Variants in STPG2 observed in about 807,000 individuals in gnomAD.
The protein encoded by STPG2 is sperm tail PG-rich repeat containing 2, also known as sperm-tail PG-rich repeat-containing protein 2.
A neutral mutation model predicts 54.2 loss-of-function variants in STPG2; 56 were observed. The observed-to-expected ratio is 1.03, with a 90% CI of 0.83 to 1.29. STPG2 has a LOEUF of 1.29. Ranked by LOEUF, STPG2 falls within the 50% of genes most tolerant of loss-of-function variation. The pLI, the probability that STPG2 is intolerant of heterozygous loss-of-function variation, is 0.00. For missense variants in STPG2, 596 were observed against 544.9 expected (o/e 1.09, Z -0.93); for synonymous variants, 200 against 181.8 (o/e 1.10, Z -0.81).
chr4:97,590,365 G>A (rs763828938), intron 10 of STPG2, among the ~76,000 whole-genome samples: 5 of 151,848 alleles, frequency 3.3e-5, no homozygotes, highest in Admixed American at 1.3e-4. Flanking sequence ...ACAAGATGGG[G>A]GATGCCTGTA....
chr4:97,442,156 A>G lies in STPG2; in HGVS notation c.463-254323T>C, dbSNP rs148118057. 2.0e-3 allele frequency among the ~76,000 whole-genome samples: 305 copies of G among 152,116 alleles called. 3 individuals are homozygous for G. The East Asian group carries it at 0.03, about 15-fold the overall frequency. Reference sequence around the variant, plus strand: ...GTTGAAGAAAATGTGGCTTGACCCAAGGGCAAACCTGTGAACTGCACAGAA... The same window carrying G: ...GTTGAAGAAAATGTGGCTTGACCCAGGGGCAAACCTGTGAACTGCACAGAA... On this transcript the variant is annotated intron_variant, in intron 4 of 4. Coordinates refer to the STPG2 transcript ENST00000522676.
chr4:97,977,782 A>G (rs923981925), intron 6 of STPG2, among the ~76,000 whole-genome samples: 8 of 152,168 alleles, frequency 5.3e-5, no homozygotes, highest in Non-Finnish European at 7.4e-5. Context: ...GTATTACTAT[A>G]ACCAAACTCT....
chr4:97,840,844 AC>A lies in STPG2; in HGVS notation c.1132del (p.Val378TrpfsTer17). 6.2e-7 allele frequency: 1 copy of A among 1,612,208 alleles called. No homozygotes were observed. The highest frequency in any genetic ancestry group is 8.5e-7 in the Non-Finnish European group (1 of 1,178,678). ...AAAAGAGGCATGTTTTCTTTTAGCC[AC>A]TAAACTACGAGGTGGCATATATTTA... ...KHKYMPPRSL[V>X]AKRKHASFLS... On this transcript the variant is annotated frameshift_variant, in exon 9 of 11. Coordinates refer to ENST00000295268, the MANE Select transcript of STPG2 (RefSeq NM_174952.3). LOFTEE classifies it high-confidence loss of function.
At chr4:97,970,054 T>G (rs1383518648) in intron 7 of STPG2, among the ~76,000 whole-genome samples, 1 of 152,188 alleles carries the variant, frequency 6.6e-6, no homozygotes, top group Non-Finnish European at 1.5e-5. Context: ...GAACTCCCAT[T>G]CACAATTGCT....
At chr4:97,890,438 C>T (rs1460765633) in intron 8 of STPG2, among the ~76,000 whole-genome samples, 1 of 151,864 alleles carries the variant, frequency 6.6e-6, no homozygotes, top group African/African-American at 2.4e-5. Flanking sequence ...GAGGACAGAA[C>T]TTCTAAATGT....
intron 9 of STPG2, among the ~76,000 whole-genome samples, chr4:97,789,670 C>G (rs1726932827): frequency 6.6e-6 from 1 of 152,138 alleles, no homozygotes; most frequent in South Asian, 2.1e-4. Flanking sequence ...AATTAAGTCT[C>G]AGTTTTAAGA....
intron 10 of STPG2, among the ~76,000 whole-genome samples, chr4:97,637,599 G>A (rs548699399): frequency 2.6e-5 from 4 of 152,212 alleles, no homozygotes; most frequent in South Asian, 2.1e-4. Flanking sequence ...AAACTCCATC[G>A]TCTCAGCCCA....
chr4:97,932,622 T>A (rs2149220030), intron 8 of STPG2, among the ~76,000 whole-genome samples: 1 of 152,256 alleles, frequency 6.6e-6, no homozygotes, highest in African/African-American at 2.4e-5. Flanking sequence ...CAGTGTTTGG[T>A]TTTCTGTTCC....
intron 10 of STPG2, among the ~76,000 whole-genome samples, chr4:97,566,407 G>T (rs970855410): frequency 1.3e-5 from 2 of 152,226 alleles, no homozygotes; most frequent in Admixed American, 6.5e-5. Context: ...GCAATGCCTC[G>T]CCCTGCTTCG....
intron 10 of STPG2, among the ~76,000 whole-genome samples, chr4:97,700,420 C>A (rs887600627): frequency 6.6e-6 from 1 of 152,192 alleles, no homozygotes; most frequent in Non-Finnish European, 1.5e-5. Context: ...AGGCATTCTG[C>A]CACTTTCTTG....
chr4:97,639,874 TAAC>T (rs943411925), intron 10 of STPG2, among the ~76,000 whole-genome samples: 103 of 152,196 alleles, frequency 6.8e-4, no homozygotes, highest in African/African-American at 2.3e-3. Flanking sequence ...ATAGTAATGA[TAAC>T]AATAATAATG....
At chr4:97,594,896 G>T (rs1014313455) in intron 10 of STPG2, among the ~76,000 whole-genome samples, 6 of 151,980 alleles carry the variant, frequency 3.9e-5, no homozygotes, top group East Asian at 1.9e-4. Flanking sequence ...AAAACCACAA[G>T]GAGATACCAT....
intron 9 of STPG2, among the ~76,000 whole-genome samples, chr4:97,804,041 C>T (rs1408334228): frequency 1.3e-5 from 2 of 152,172 alleles, no homozygotes; most frequent in Non-Finnish European, 2.9e-5. Context: ...GCAGTTATCT[C>T]TGACACAATA....
intron 10 of STPG2, among the ~76,000 whole-genome samples, chr4:97,666,745 C>T (rs1722540932): frequency 6.6e-6 from 1 of 152,166 alleles, no homozygotes; most frequent in African/African-American, 2.4e-5. Flanking sequence ...ATCTGTTATA[C>T]AAGCAAGAAG....
chr4:97,907,683 G>C (rs1731496255), intron 8 of STPG2, among the ~76,000 whole-genome samples: 1 of 152,058 alleles, frequency 6.6e-6, no homozygotes, highest in Non-Finnish European at 1.5e-5. Context: ...TAGACCAATG[G>C]AACAGAACAG....
At chr4:97,480,520 T>A (rs1339976689) in intron 4 of STPG2, among the ~76,000 whole-genome samples, 1 of 151,550 alleles carries the variant, frequency 6.6e-6, no homozygotes, top group African/African-American at 2.4e-5. Context: ...AACATATTGG[T>A]CTCTAGTTTT....
intron 5 of STPG2, among the ~76,000 whole-genome samples, chr4:98,005,410 G>A (rs922745567): frequency 6.6e-6 from 1 of 152,072 alleles, no homozygotes; most frequent in Non-Finnish European, 1.5e-5. Context: ...CTCTGAATAG[G>A]ACTTCCAGTA....
chr4:97,873,210 T>C (rs2149157016), intron 8 of STPG2, among the ~76,000 whole-genome samples: 1 of 151,358 alleles, frequency 6.6e-6, no homozygotes, highest in South Asian at 2.1e-4. Flanking sequence ...CTTTCCTTTT[T>C]TCCTTCCTCC....
intron 4 of STPG2, among the ~76,000 whole-genome samples, chr4:97,506,642 C>T (rs111297391): frequency 0.021 from 3,103 of 151,264 alleles, 67 homozygotes; most frequent in African/African-American, 0.058. Flanking sequence ...AAAGTAATAC[C>T]AATCATAAAA....
Sources: gnomAD v4.1 joint callset for allele counts (sites outside exome capture counted in the v4.1 genomes callset) on GRCh38, gnomAD v4.1.1 for gene constraint, MANE v1.5 for transcripts, NCBI Gene and HGNC (gene_info 2026-07-23, HGNC 2026-07-21) for gene names.